Variants in TNIK observed in about 807,000 individuals in gnomAD.
TNIK encodes TRAF2 and NCK-interacting protein kinase.
A neutral mutation model predicts 191.3 loss-of-function variants in TNIK; 49 were observed. The ratio of observed to expected loss-of-function variants is 0.26; its 90% confidence interval spans 0.20 to 0.32. TNIK has a LOEUF of 0.32. Among genes scored for constraint, TNIK ranks in the 10% least tolerant of loss-of-function variants. The pLI is 1.00. For synonymous variants in TNIK, 594 were observed against 600.9 expected, an observed-to-expected ratio of 0.99 and a Z score of 0.17; for missense variants, 1,155 against 1,702.3, an observed-to-expected ratio of 0.68 and a Z score of 5.66.
intron 2 of TNIK, among the ~76,000 whole-genome samples, chr3:171,288,403 C>T (rs1751285440): frequency 6.6e-6 from 1 of 151,884 alleles, no homozygotes; most frequent in Non-Finnish European, 1.5e-5. Context: ...AACGAACTTT[C>T]CAGATGATCC....
intron 1 of TNIK, among the ~76,000 whole-genome samples, chr3:171,412,064 T>G (rs1022805717): frequency 6.6e-6 from 1 of 152,156 alleles, no homozygotes; most frequent in Non-Finnish European, 1.5e-5. Flanking sequence ...CTTCAAACCA[T>G]CCTACTTGAG....
chr3:171,354,980 T>C (rs1218183459), intron 2 of TNIK, among the ~76,000 whole-genome samples: 5 of 152,130 alleles, frequency 3.3e-5, no homozygotes, highest in African/African-American at 1.2e-4. Context: ...CTTTTTTTTG[T>C]TTTTGTCTTT....
At chr3:171,417,691 C>T (rs1019970921) in intron 1 of TNIK, among the ~76,000 whole-genome samples, 48 of 152,258 alleles carry the variant, frequency 3.2e-4, no homozygotes, top group African/African-American at 1.1e-3. Flanking sequence ...AATCAGATTG[C>T]TCACTGAACT....
intron 9 of TNIK, among the ~76,000 whole-genome samples, chr3:171,171,428 C>T (rs1735266305): frequency 6.6e-6 from 1 of 152,010 alleles, no homozygotes; most frequent in Admixed American, 6.5e-5. Context: ...CAGGCTGGTT[C>T]TCCCAGTAAG....
intron 2 of TNIK, among the ~76,000 whole-genome samples, chr3:171,248,970 G>A (rs968388950): frequency 2.3e-4 from 35 of 152,130 alleles, no homozygotes; most frequent in Non-Finnish European, 4.6e-4. Context: ...TTTCAGACTA[G>A]GACGACGTTA....
chr3:171,147,000 A>G (rs920198257), intron 12 of TNIK, among the ~76,000 whole-genome samples: 3 of 152,330 alleles, frequency 2.0e-5, no homozygotes, highest in South Asian at 2.1e-4. Context: ...TAATCTTGCA[A>G]ATCTGTTCAT....
At chr3:171,333,608 A>G (rs577165944) in intron 2 of TNIK, among the ~76,000 whole-genome samples, 141 of 149,570 alleles carry the variant, frequency 9.4e-4, no homozygotes, top group Non-Finnish European at 1.5e-3. Context: ...AAAAAAACCT[A>G]CAACACTGGA....
At chr3:171,201,633 A>G (rs1246520316) in intron 4 of TNIK, among the ~76,000 whole-genome samples, 2 of 152,212 alleles carry the variant, frequency 1.3e-5, no homozygotes, top group African/African-American at 4.8e-5. Flanking sequence ...AAGGTAGGTT[A>G]AGTCTCAAAA....
chr3:171,180,909 A>C (rs1378098788), intron 7 of TNIK, among the ~76,000 whole-genome samples: 1 of 152,204 alleles, frequency 6.6e-6, no homozygotes, highest in Non-Finnish European at 1.5e-5. Context: ...CTGGCAACTC[A>C]ATAAAGGTAC....
At chr3:171,348,072 GTTTGTT>G (rs1371032918) in intron 2 of TNIK, among the ~76,000 whole-genome samples, 3 of 152,132 alleles carry the variant, frequency 2.0e-5, no homozygotes, top group Non-Finnish European at 4.4e-5. Context: ...GATATCTATA[GTTTGTT>G]TTTGACAACA....
At chr3:171,388,622 C>T (rs186816902) in intron 1 of TNIK, among the ~76,000 whole-genome samples, 3 of 152,206 alleles carry the variant, frequency 2.0e-5, no homozygotes, top group African/African-American at 7.2e-5. Context: ...TCCTTACACA[C>T]ACACACTACC....
At chr3:171,123,798 C>T (rs1728104840) in intron 17 of TNIK, 96 bp from the exon 18 acceptor site, 9 of 837,054 alleles carry the variant, frequency 1.1e-5, no homozygotes, top group Non-Finnish European at 1.6e-5. Flanking sequence ...CCAGAAGCCA[C>T]AGAAACTATC....
chr3:171,364,447 T>G (rs546441711), intron 2 of TNIK, among the ~76,000 whole-genome samples: 2 of 151,936 alleles, frequency 1.3e-5, no homozygotes, highest in East Asian at 3.9e-4. Flanking sequence ...TAACATTTTA[T>G]GAAAATGCTA....
In TNIK at chr3:171,167,107, GCTT is replaced by G. The variant is rs779940674; in HGVS notation, c.934_936del (p.Lys312del). Reference sequence around the variant, plus strand: ...ATGTGCGTCTAACCTTTTTCTCCTCGCTTCTTCTTTGTTCTATCAATATGGTCC... The same window carrying G: ...ATGTGCGTCTAACCTTTTTCTCCTCGCTTCTTTGTTCTATCAATATGGTCC... On this transcript the variant is annotated inframe_deletion, in exon 10 of 33. Coordinates refer to ENST00000436636, the MANE Select transcript of TNIK (RefSeq NM_015028.4). The G allele has an allele frequency of 6.2e-7, 1 of 1,608,586 alleles. No homozygotes were observed. The highest frequency in any genetic ancestry group is 2.2e-5 in the East Asian group (1 of 44,796).
Position 171,108,077 on chromosome 3 carries a change from G to A in TNIK, c.2370C>T (p.Pro790=). 6.4e-7 allele frequency: 1 copy of A among 1,566,966 alleles called. No homozygotes were observed. The highest frequency in any genetic ancestry group is 1.7e-4 in the Middle Eastern group (1 of 6,000). The part of the protein sequence containing the change: ...KPEESRDITR[P]SRPASYKKAI... Reference sequence around the variant, plus strand: ...GAAAAGCACTCACAGCTGGTCGACTGGGCCGGGTAATGTCCCTGGATTCTT... The same window carrying A: ...GAAAAGCACTCACAGCTGGTCGACTAGGCCGGGTAATGTCCCTGGATTCTT... Residue 790 remains proline, a synonymous_variant, in exon 20 of 33, where the codon CCC becomes CCT. Transcript: ENST00000436636.
At chr3:171,404,931 T>C (rs890727858) in intron 1 of TNIK, among the ~76,000 whole-genome samples, 2 of 152,208 alleles carry the variant, frequency 1.3e-5, no homozygotes, top group South Asian at 4.1e-4. Context: ...ACGATGATTA[T>C]AAATTTGAAA....
intron 2 of TNIK, among the ~76,000 whole-genome samples, chr3:171,242,113 A>G (rs1745064247): frequency 6.6e-6 from 1 of 151,502 alleles, no homozygotes; most frequent in Admixed American, 6.6e-5. Flanking sequence ...ATGTATATAT[A>G]TGTAACAAAC....
intron 6 of TNIK, among the ~76,000 whole-genome samples, 166 bp downstream of exon 6, chr3:171,190,531 C>A (rs949355029): frequency 6.6e-6 from 1 of 152,144 alleles, no homozygotes; most frequent in Non-Finnish European, 1.5e-5. Context: ...CCTCAGAATG[C>A]CTTGAGAAAA....
rs201489240 is a variant in TNIK, at chr3:171,282,334, G to GTTTTTTTTT, written c.124-54114_124-54113insAAAAAAAAA. On this transcript the variant is annotated intron_variant, in intron 2 of 32. Transcript: ENST00000436636. Reference sequence around the variant, plus strand: ...GAACTATCTGCAGATTCTCTTAATGGTTTTTTGTTTTTTTTTTTTTTTTTG... The same window carrying GTTTTTTTTT: ...GAACTATCTGCAGATTCTCTTAATGGTTTTTTTTTTTTTTTGTTTTTTTTTTTTTTTTTG... Among the ~76,000 whole-genome samples the GTTTTTTTTT allele has an allele frequency of 3.6e-4, 41 of 114,486 alleles. 2 individuals are homozygous for GTTTTTTTTT. Among genetic ancestry groups the GTTTTTTTTT allele is most frequent in the African/African-American group, 4.5e-4 (13 of 28,896 alleles). 75.1% of individuals were successfully genotyped at this position (114,486 alleles called of 152,430 possible).
Sources: allele counts gnomAD v4.1 joint callset (sites outside exome capture counted in the v4.1 genomes callset), GRCh38; gene constraint gnomAD v4.1.1; transcripts MANE v1.5; gene names NCBI Gene and HGNC (gene_info 2026-07-23, HGNC 2026-07-21).